MYRIP: variants seen among roughly 807,000 people sequenced by gnomAD.
The protein encoded by MYRIP is rab effector MyRIP.
A neutral mutation model predicts 98.0 loss-of-function variants in MYRIP; 49 were observed. That is an observed-to-expected ratio of 0.50 (90% CI 0.40 to 0.63). The LOEUF is 0.63. Among genes scored for constraint, MYRIP ranks in the 30% least tolerant of loss-of-function variants. MYRIP has a pLI of 0.00. For synonymous variants in MYRIP, 404 were observed against 409.5 expected, an observed-to-expected ratio of 0.99 and a Z score of 0.16; for missense variants, 1,004 against 1,058.2, an observed-to-expected ratio of 0.95 and a Z score of 0.71.
intron 16 of MYRIP, among the ~76,000 whole-genome samples, chr3:40,256,983 A>G (rs1438959741): frequency 6.6e-6 from 1 of 152,218 alleles, no homozygotes; most frequent in Non-Finnish European, 1.5e-5. Context: ...TCAGAGATGA[A>G]GAATATGAAA....
At chr3:39,853,831 A>C (rs1211000366) in intron 1 of MYRIP, among the ~76,000 whole-genome samples, 1 of 152,004 alleles carries the variant, frequency 6.6e-6, no homozygotes, top group Admixed American at 6.6e-5. Flanking sequence ...TCTTTGCTTA[A>C]GCCAGTGTCT....
At chr3:39,962,453 GT>G (rs35184278) in intron 2 of MYRIP, among the ~76,000 whole-genome samples, 174 of 107,626 alleles carry the variant, frequency 1.6e-3, no homozygotes, top group African/African-American at 6.6e-3. Context: ...CTCTGGGCTA[GT>G]TTTTTTTTTT....
chr3:39,888,681 G>A (rs1310852417), intron 1 of MYRIP, among the ~76,000 whole-genome samples: 1 of 152,128 alleles, frequency 6.6e-6, no homozygotes, highest in East Asian at 1.9e-4. Context: ...TGACAAATGG[G>A]ATCTAATTAA....
At chr3:39,855,522 G>A (rs774487696) in intron 1 of MYRIP, among the ~76,000 whole-genome samples, 14 of 152,092 alleles carry the variant, frequency 9.2e-5, no homozygotes, top group Non-Finnish European at 1.8e-4. Context: ...ACTATGGGGT[G>A]TGAGGGGGTG....
At chr3:39,982,453 C>A (rs567788510) in intron 2 of MYRIP, among the ~76,000 whole-genome samples, 1 of 152,140 alleles carries the variant, frequency 6.6e-6, no homozygotes, top group South Asian at 2.1e-4. Context: ...AAGGAAATTA[C>A]CAAATGAACC....
rs544193853 is a variant in MYRIP at position 40,183,316 on chromosome 3, G to A, written c.1027+943G>A. ...CTGCCTGAGGGACATCCTGAGGAAG[G>A]CATTGATGTTTGCTTGCACCTCTGC... On this transcript the variant is annotated intron_variant, in intron 9 of 16. Coordinates refer to ENST00000302541, the MANE Select transcript of MYRIP (RefSeq NM_015460.4). 1.5e-3 allele frequency among the ~76,000 whole-genome samples: 233 copies of A among 152,312 alleles called. 4 individuals carry two copies. The highest frequency in any genetic ancestry group is 7.7e-4 in the East Asian group (4 of 5,188).
At chr3:40,066,298 A>G (rs997232766) in intron 3 of MYRIP, among the ~76,000 whole-genome samples, 3 of 152,196 alleles carry the variant, frequency 2.0e-5, no homozygotes, top group African/African-American at 7.2e-5. Flanking sequence ...ACAGACTGCA[A>G]ACTTTCTGGG....
At chr3:39,905,462 G>A (rs1943855501) in intron 2 of MYRIP, among the ~76,000 whole-genome samples, 1 of 152,046 alleles carries the variant, frequency 6.6e-6, no homozygotes, top group Admixed American at 6.6e-5. Flanking sequence ...TTTTGGCTTG[G>A]TGTTCTACTA....
chr3:40,258,196 C>T lies in MYRIP; in HGVS notation c.*30C>T. The T allele has an allele frequency of 1.2e-6, 2 of 1,614,030 alleles. No individual in the cohort carries two copies. The highest frequency in any genetic ancestry group is 1.7e-6 in the Non-Finnish European group (2 of 1,179,866). ...ATGGAATTCCACTGCCAGTGACCCA[C>T]TGCCTCCGGCCGTACACGACAGTGC... On this transcript the variant is annotated 3_prime_UTR_variant, in exon 17 of 17. Coordinates refer to ENST00000302541, the MANE Select transcript of MYRIP (RefSeq NM_015460.4).
At chr3:39,817,428 C>G (rs1575268627) in intron 1 of MYRIP, among the ~76,000 whole-genome samples, 1 of 152,048 alleles carries the variant, frequency 6.6e-6, no homozygotes, top group African/African-American at 2.4e-5. Flanking sequence ...GAATTTATTC[C>G]CCAAATATGA....
intron 2 of MYRIP, among the ~76,000 whole-genome samples, chr3:39,971,903 A>T (rs1945593267): frequency 6.6e-6 from 1 of 152,102 alleles, no homozygotes; most frequent in African/African-American, 2.4e-5. Flanking sequence ...TGTTGACCAT[A>T]AATCCAGTTA....
At chr3:40,087,653 T>C (rs925611520) in intron 3 of MYRIP, among the ~76,000 whole-genome samples, 4 of 152,230 alleles carry the variant, frequency 2.6e-5, no homozygotes, top group Non-Finnish European at 5.9e-5. Context: ...CGATTTCCAC[T>C]ATGTAAATAC....
chr3:39,956,392 C>A (rs918371568), intron 2 of MYRIP, among the ~76,000 whole-genome samples: 1 of 152,154 alleles, frequency 6.6e-6, no homozygotes, highest in Non-Finnish European at 1.5e-5. Context: ...AACAACCCAA[C>A]TACATGGAAA....
chr3:39,878,012 C>T (rs1943049902), intron 1 of MYRIP, among the ~76,000 whole-genome samples: 2 of 152,344 alleles, frequency 1.3e-5, no homozygotes, highest in South Asian at 2.1e-4. Context: ...TTCGAGCTTC[C>T]CGGCTGCTTT....
At chr3:39,899,233 G>A (rs534501560) in intron 1 of MYRIP, among the ~76,000 whole-genome samples, 1 of 151,980 alleles carries the variant, frequency 6.6e-6, no homozygotes, top group Non-Finnish European at 1.5e-5. Context: ...CATGTATTCT[G>A]TACATGTGGT....
chr3:40,057,838 G>C (rs1947914754), intron 3 of MYRIP, among the ~76,000 whole-genome samples: 1 of 152,142 alleles, frequency 6.6e-6, no homozygotes, highest in South Asian at 2.1e-4. Context: ...AGATTAATGG[G>C]TTTGAATGCT....
At chr3:39,877,303 C>G (rs1240156561) in intron 1 of MYRIP, among the ~76,000 whole-genome samples, 1 of 152,090 alleles carries the variant, frequency 6.6e-6, no homozygotes, top group African/African-American at 2.4e-5. Flanking sequence ...TCCCGTAGCT[C>G]AGAGTAATTT....
intron 1 of MYRIP, among the ~76,000 whole-genome samples, chr3:39,880,344 A>G (rs961497777): frequency 7.2e-5 from 11 of 152,198 alleles, no homozygotes; most frequent in Admixed American, 3.9e-4. Context: ...CTAGTTTTCC[A>G]TTGCTGGAAA....
chr3:39,936,042 A>G (rs1944649716), intron 2 of MYRIP, among the ~76,000 whole-genome samples: 2 of 152,160 alleles, frequency 1.3e-5, no homozygotes, highest in Admixed American at 1.3e-4. Flanking sequence ...TTCCTAGGAG[A>G]GTCAAATATT....
Sources: allele counts gnomAD v4.1 joint callset (sites outside exome capture counted in the v4.1 genomes callset), GRCh38; gene constraint gnomAD v4.1.1; transcripts MANE v1.5; gene names NCBI Gene and HGNC (gene_info 2026-07-23, HGNC 2026-07-21).